The following SORCS3 variants were observed in gnomAD, a reference collection of about 807,000 sequenced individuals.
The protein encoded by SORCS3 is VPS10 domain-containing receptor SorCS3.
In SORCS3, 57 loss-of-function variants were observed where a neutral mutation model predicts 146.3. The ratio of observed to expected loss-of-function variants is 0.39; its 90% CI spans 0.31 to 0.49. SORCS3 has a LOEUF of 0.49. SORCS3 is among the 20% of genes least tolerant of loss of function. The pLI, the probability that SORCS3 is intolerant of heterozygous loss-of-function variation, is 0.92. For synonymous variants in SORCS3, 653 were observed against 618.5 expected (o/e 1.06, Z -0.83); for missense variants, 1,341 against 1,575.5 (o/e 0.85, Z 2.52).
intron 2 of SORCS3, among the ~76,000 whole-genome samples, chr10:104,859,210 G>A (rs530815731): frequency 6.6e-6 from 1 of 152,226 alleles, no homozygotes; most frequent in African/African-American, 2.4e-5. Flanking sequence ...CTCTCCTGCT[G>A]CCGGAAAATG....
At chr10:105,262,536 A>G (rs758854750) in intron 26 of SORCS3, 45 bp downstream of exon 26, 2 of 1,576,130 alleles carry the variant, frequency 1.3e-6, no homozygotes, top group Non-Finnish European at 8.7e-7. Context: ...TGTGTCCTCT[A>G]AACACTGGCC....
intron 5 of SORCS3, among the ~76,000 whole-genome samples, chr10:105,049,792 A>G (rs1242161300): frequency 1.3e-5 from 2 of 152,072 alleles, no homozygotes; most frequent in Non-Finnish European, 2.9e-5. Context: ...GGTGGGAACA[A>G]TAGACACTGG....
chr10:104,804,202 C>G (rs368195208), intron 1 of SORCS3, among the ~76,000 whole-genome samples: 5 of 152,152 alleles, frequency 3.3e-5, no homozygotes, highest in Non-Finnish European at 7.3e-5. Context: ...CTCTAGAATG[C>G]GAATTTTGAA....
At chr10:104,673,974 T>C (rs1332378692) in intron 1 of SORCS3, among the ~76,000 whole-genome samples, 1 of 152,242 alleles carries the variant, frequency 6.6e-6, no homozygotes, top group Non-Finnish European at 1.5e-5. Context: ...AATAATTCTT[T>C]GAAATACATT....
Position 105,252,779 on chromosome 10 carries a change from C to A in SORCS3, c.3110C>A (p.Thr1037Asn), listed in dbSNP as rs771804310. The change falls in exon 23 of 27, where the codon ACC becomes AAC. Residue 1037 changes from threonine (T) to asparagine (N), a missense_variant. Physicochemically the swap from Thr to Asn is moderately conservative, Grantham distance 65 (BLOSUM62 0). Coordinates refer to ENST00000369701, the MANE Select transcript of SORCS3 (RefSeq NM_014978.3). Reference sequence around the variant, plus strand: ...TTTGTCTGAACATCTTTGCAGGTAACCAGTGTCCCAGAGGACCAGATCCTC... The same window carrying A: ...TTTGTCTGAACATCTTTGCAGGTAAACAGTGTCCCAGAGGACCAGATCCTC... The part of the protein sequence containing the change: ...NVIKRALVKV[T>N]SVPEDQILIA... 1 of 1,613,932 alleles carries A rather than the reference C, an allele frequency of 6.2e-7. No homozygotes were observed. The highest frequency in any genetic ancestry group is 1.3e-5 in the African/African-American group (1 of 75,032).
intron 1 of SORCS3, among the ~76,000 whole-genome samples, chr10:104,710,313 G>A (rs571743037): frequency 6.6e-6 from 1 of 152,256 alleles, no homozygotes; most frequent in East Asian, 1.9e-4. Context: ...CCAAAGTGCT[G>A]GCAGTCACCT....
intron 14 of SORCS3, among the ~76,000 whole-genome samples, chr10:105,187,176 C>G (rs1392098513): frequency 6.6e-6 from 1 of 152,088 alleles, no homozygotes; most frequent in African/African-American, 2.4e-5. Context: ...TCTTCTCTCC[C>G]AATGCTTTTT....
chr10:104,709,298 C>T (rs1022721077), intron 1 of SORCS3, among the ~76,000 whole-genome samples: 1 of 152,146 alleles, frequency 6.6e-6, no homozygotes, highest in Admixed American at 6.5e-5. Context: ...GGCCACCTCA[C>T]TGTGTCCCTG....
intron 1 of SORCS3, among the ~76,000 whole-genome samples, chr10:104,706,619 C>A (rs2016340929): frequency 6.6e-6 from 1 of 152,108 alleles, no homozygotes; most frequent in African/African-American, 2.4e-5. Flanking sequence ...TATGGGAAGT[C>A]AGATGGTAAG....
intron 20 of SORCS3, among the ~76,000 whole-genome samples, chr10:105,228,554 C>G (rs1006632629): frequency 6.6e-6 from 1 of 151,980 alleles, no homozygotes; most frequent in Non-Finnish European, 1.5e-5. Context: ...GATGAATTCC[C>G]TCAGCTTTGC....
At chr10:104,982,092 T>A (rs960178732) in intron 4 of SORCS3, among the ~76,000 whole-genome samples, 1 of 152,158 alleles carries the variant, frequency 6.6e-6, no homozygotes, top group African/African-American at 2.4e-5. Context: ...GTTGATCACC[T>A]CCTATCCGAC....
chr10:104,657,725 A>G (rs555677242), intron 1 of SORCS3, among the ~76,000 whole-genome samples: 22 of 152,212 alleles, frequency 1.4e-4, no homozygotes, highest in Non-Finnish European at 2.4e-4. Flanking sequence ...AGACTCTAAC[A>G]TTTAGTGTAT....
At chr10:105,217,456 C>A (rs1300495528) in intron 19 of SORCS3, among the ~76,000 whole-genome samples, 1 of 152,144 alleles carries the variant, frequency 6.6e-6, no homozygotes, top group African/African-American at 2.4e-5. Flanking sequence ...TAGAAACAAG[C>A]CTTCTGGTTG....
intron 7 of SORCS3, among the ~76,000 whole-genome samples, chr10:105,114,867 G>C (rs1246371375): frequency 6.6e-6 from 1 of 152,166 alleles, no homozygotes; most frequent in African/African-American, 2.4e-5. Context: ...TTTCTAGGAT[G>C]ATACCAGTAC....
At chr10:104,815,984 G>C (rs971185073) in intron 1 of SORCS3, among the ~76,000 whole-genome samples, 1 of 152,092 alleles carries the variant, frequency 6.6e-6, no homozygotes, top group Non-Finnish European at 1.5e-5. Flanking sequence ...TGGTTATTTA[G>C]GTTGCTTAAT....
chr10:105,191,810 T>A lies in SORCS3; in HGVS notation c.2010-8189T>A, dbSNP rs114082938. On this transcript the variant is annotated intron_variant, in intron 14 of 26. Transcript: ENST00000369701. ...TCCTGTGAGAATCCAATACCACAGC[T>A]GACCTGACAGGAGACAGAGTTCAGG... 4.5e-3 allele frequency among the ~76,000 whole-genome samples: 687 copies of A among 152,288 alleles called. 4 individuals are homozygous for A. Among genetic ancestry groups the A allele is most frequent in the African/African-American group, 0.016 (663 of 41,558 alleles).
intron 1 of SORCS3, among the ~76,000 whole-genome samples, chr10:104,755,859 C>T (rs974023791): frequency 3.3e-5 from 5 of 152,180 alleles, no homozygotes; most frequent in African/African-American, 1.2e-4. Context: ...TGTCTGTTTT[C>T]TCCATTAGAT....
At chr10:104,960,676 G>A (rs1342914281) in intron 3 of SORCS3, among the ~76,000 whole-genome samples, 1 of 152,090 alleles carries the variant, frequency 6.6e-6, no homozygotes, top group Non-Finnish European at 1.5e-5. Flanking sequence ...ACCTCTTAAA[G>A]GCTCCACGTC....
chr10:105,193,128 G>T (rs2056525883), intron 14 of SORCS3, among the ~76,000 whole-genome samples: 1 of 152,040 alleles, frequency 6.6e-6, no homozygotes, highest in Non-Finnish European at 1.5e-5. Context: ...TTCCTGAAAG[G>T]CTTACTCAGG....
Sources: allele counts gnomAD v4.1 joint callset (sites outside exome capture counted in the v4.1 genomes callset), GRCh38; gene constraint gnomAD v4.1.1; transcripts MANE v1.5; gene names NCBI Gene and HGNC (gene_info 2026-07-23, HGNC 2026-07-21).